The following PRSS1 variants were observed in gnomAD, a reference collection of about 807,000 sequenced individuals.
PRSS1 encodes TCR V beta 4.1.
A neutral mutation model predicts 24.2 loss-of-function variants in PRSS1; 22 were observed. The observed-to-expected ratio is 0.91, with a 90% CI of 0.65 to 1.30. The LOEUF is 1.30. PRSS1 is among the 50% of genes most tolerant of loss of function. PRSS1 has a pLI of 0.00. For synonymous variants in PRSS1, 126 were observed against 116.1 expected, an observed-to-expected ratio of 1.08 and a Z score of -0.55; for missense variants, 366 against 304.2, an observed-to-expected ratio of 1.20 and a Z score of -1.51.
At chr7:142,749,646 G>A (rs957857417) in intron 1 of PRSS1, 122 bp downstream of exon 1, 3 of 1,348,198 alleles carry the variant, frequency 2.2e-6, no homozygotes, top group African/African-American at 2.9e-5. Flanking sequence ...CCTCCATCTG[G>A]CATATCTCCT....
rs144403091 is a variant in PRSS1 at position 142,751,940 on chromosome 7, G to T, written c.367G>T (p.Val123Leu). 4.4e-5 allele frequency: 71 copies of T among 1,613,850 alleles called. No homozygotes were observed. The highest frequency in any genetic ancestry group is 5.8e-5 in the Non-Finnish European group (69 of 1,179,982). Residue 123 changes from valine to leucine, a missense_variant, in exon 3 of 5, where the codon GTG becomes TTG. Physicochemically the swap from Val to Leu is conservative, Grantham distance 32 (BLOSUM62 1). Coordinates refer to ENST00000311737, the MANE Select transcript of PRSS1 (RefSeq NM_002769.5). The part of the protein sequence containing the change: ...LSSRAVINAR[V>L]STISLPTAPP... ...CTCACGTGCAGTAATCAACGCCCGCGTGTCCACCATCTCTCTGCCCACCGC... is the reference window on the plus strand; with the variant it reads ...CTCACGTGCAGTAATCAACGCCCGCTTGTCCACCATCTCTCTGCCCACCGC...
chr7:142,752,308 C>A, intron 3 of PRSS1, 123 bp from the exon 4 acceptor site: 5 of 1,411,118 alleles, frequency 3.5e-6, no homozygotes. Context: ...CTTGCCAGGA[C>A]TTATGTTCTG....
intron 1 of PRSS1, among the ~76,000 whole-genome samples, chr7:142,749,748 T>C (rs927622912): frequency 2.3e-5 from 3 of 131,362 alleles, no homozygotes; most frequent in African/African-American, 1.0e-4. Context: ...ATCCGAGTTG[T>C]GGTTGGAGAA....
intron 4 of PRSS1, 99 bp from the exon 5 acceptor site, chr7:142,752,769 C>G: frequency 6.5e-7 from 1 of 1,527,374 alleles, no homozygotes; most frequent in Non-Finnish European, 9.1e-7. Flanking sequence ...GGACATGGAG[C>G]CACAGAGCTG....
intron 2 of PRSS1, chr7:142,751,219 G>A: frequency 1.6e-6 from 1 of 642,712 alleles, no homozygotes; most frequent in Non-Finnish European, 2.8e-6. Flanking sequence ...AGAACGCCCT[G>A]CAGGCTTGTT....
At chr7:142,749,698 C>T (rs181337746) in intron 1 of PRSS1, among the ~76,000 whole-genome samples, 174 bp downstream of exon 1, 1 of 151,630 alleles carries the variant, frequency 6.6e-6, no homozygotes, top group African/African-American at 2.4e-5. Context: ...ACCTGTTCAC[C>T]TTCTCCTTGA....
At chr7:142,752,227 G>A (rs1370300597) in intron 3 of PRSS1, among the ~76,000 whole-genome samples, 200 bp downstream of exon 3, 1 of 152,186 alleles carries the variant, frequency 6.6e-6, no homozygotes, top group African/African-American at 2.4e-5. Flanking sequence ...AGGACAAATG[G>A]AGAACTTGAT....
rs779329456 is a variant in PRSS1 at position 142,750,878 on chromosome 7, G to C, written c.200+164G>C. 4 of 1,043,716 alleles carry C rather than the reference G, an allele frequency of 3.8e-6. No homozygotes were observed. The East Asian group carries it at 1.0e-4, about 27-fold the overall frequency. 64.7% of individuals were successfully genotyped at this position (1,043,716 alleles called of 1,614,324 possible). ...TCTCCAGAGCAGAGAGTGAACACAA[G>C]ACAGGAACCTCTCACACCCAGGCAA... On this transcript the variant is annotated intron_variant, in intron 2 of 4. Coordinates refer to ENST00000311737, the MANE Select transcript of PRSS1 (RefSeq NM_002769.5).
At position 142,751,852 on chromosome 7, in the gene PRSS1, C is replaced by T. The variant is rs139664510; in HGVS notation, c.279C>T (p.Ile93=). Residue 93 remains isoleucine (I), a synonymous_variant, in exon 3 of 5, where the codon ATC becomes ATT. Transcript: ENST00000311737. The stretch of plus-strand genomic sequence containing the variant: ...AGCAGTTCATCAATGCAGCCAAGAT[C>T]ATCCGCCACCCCCAATACGACAGGA... ...GNEQFINAAK[I]IRHPQYDRKT... 8.2e-4 allele frequency: 1,324 copies of T among 1,614,074 alleles called. No individual in the cohort carries two copies. The African/African-American group carries it at 0.016, about 19-fold the overall frequency.
Position 142,750,897 on chromosome 7 carries a change from C to T in PRSS1, c.200+183C>T, listed in dbSNP as rs1388895804. 4.4e-6 allele frequency: 4 copies of T among 902,826 alleles called. No individual in the cohort carries two copies. In the African/African-American group the frequency reaches 6.6e-5, roughly 15 times the overall value. 55.9% of individuals were successfully genotyped at this position (902,826 alleles called of 1,614,324 possible). A position where few individuals can be genotyped will look rare whatever the true frequency, so the allele number is the denominator to read the frequency against. The stretch of plus-strand genomic sequence containing the variant: ...ACACAAGACAGGAACCTCTCACACC[C>T]AGGCAAATCCATGAAACAGCAAGGG... On this transcript the variant is annotated intron_variant, in intron 2 of 4. Coordinates refer to ENST00000311737, the MANE Select transcript of PRSS1 (RefSeq NM_002769.5).
At chr7:142,751,131 C>T (rs1338701039) in intron 2 of PRSS1, 42 of 702,044 alleles carry the variant, frequency 6.0e-5, no homozygotes, top group East Asian at 1.1e-4. Context: ...TACACTCTAC[C>T]TCTGCTAACT....
chr7:142,751,044 T>C (rs1798674527), intron 2 of PRSS1: 1 of 703,250 alleles, frequency 1.4e-6, no homozygotes. Context: ...TTTTTAAAAA[T>C]ACAGATGCCT....
Position 142,750,684 on chromosome 7 carries a change from G to T in PRSS1, c.170G>T (p.Trp57Leu). ...FCGGSLINEQ[W>L]VVSAGHCYKS... The stretch of plus-strand genomic sequence containing the variant: ...GGTGGCTCCCTCATCAACGAACAGT[G>T]GGTGGTATCAGCAGGCCACTGCTAC... The change falls in exon 2 of 5, where the codon TGG becomes TTG. Residue 57 changes from tryptophan (W) to leucine (L), a missense_variant. Trp to Leu is a moderately conservative substitution (Grantham distance 61). Coordinates refer to ENST00000311737, the MANE Select transcript of PRSS1 (RefSeq NM_002769.5). 1.2e-6 allele frequency: 2 copies of T among 1,613,960 alleles called. No individual in the cohort carries two copies. Among genetic ancestry groups the T allele is most frequent in the Non-Finnish European group, 1.7e-6 (2 of 1,179,858 alleles).
In PRSS1 at chr7:142,751,870, C is replaced by G. The variant is rs373659879; in HGVS notation, c.297C>G (p.Tyr99Ter). Residue 99 changes from tyrosine to a stop codon, truncating the protein, a stop_gained, in exon 3 of 5, where the codon TAC becomes TAG. Coordinates refer to ENST00000311737, the MANE Select transcript of PRSS1 (RefSeq NM_002769.5). LOFTEE classifies it high-confidence loss of function. Reference sequence around the variant, plus strand: ...CCAAGATCATCCGCCACCCCCAATACGACAGGAAGACTCTGAACAATGACA... The same window carrying G: ...CCAAGATCATCCGCCACCCCCAATAGGACAGGAAGACTCTGAACAATGACA... ...NAAKIIRHPQ[Y>*]DRKTLNNDIM... 3 of 1,614,040 alleles carry G rather than the reference C, an allele frequency of 1.9e-6. No homozygotes were observed. The highest frequency in any genetic ancestry group is 1.7e-6 in the Non-Finnish European group (2 of 1,180,010).
At chr7:142,751,440 G>T in intron 2 of PRSS1, 1 of 573,930 alleles carries the variant, frequency 1.7e-6, no homozygotes, top group Non-Finnish European at 3.1e-6. Flanking sequence ...GGTGAAGAAC[G>T]CTGGGAAAAC....
At position 142,749,472 on chromosome 7, in the gene PRSS1, A is replaced by C. The variant is rs748424130; in HGVS notation, c.-13A>C. ...ACGAGTCCTCCACCACCAGTCAGGC[A>C]CACTCTACCACCATGAATCCACTCC... On this transcript the variant is annotated 5_prime_UTR_variant, in exon 1 of 5. Transcript: ENST00000311737. 6.6e-7 allele frequency: 1 copy of C among 1,511,330 alleles called. No individual in the cohort carries two copies. Among genetic ancestry groups the C allele is most frequent in the Non-Finnish European group, 9.0e-7 (1 of 1,109,446 alleles). 93.6% of individuals were successfully genotyped at this position (1,511,330 alleles called of 1,614,324 possible).
chr7:142,751,711 G>A (rs752737467), intron 2 of PRSS1, 63 bp from the exon 3 acceptor site: 1 of 1,614,052 alleles, frequency 6.2e-7, no homozygotes, highest in Non-Finnish European at 8.5e-7. Context: ...GGAACCTGGG[G>A]AAGGTGGGAT....
Position 142,751,960 on chromosome 7 carries a change from C to T in PRSS1, c.387C>T (p.Pro129=). The T allele has an allele frequency of 1.2e-6, 2 of 1,614,108 alleles. No homozygotes were observed. The highest frequency in any genetic ancestry group is 2.2e-5 in the South Asian group (2 of 91,074). ...INARVSTISL[P]TAPPATGTKC... ...CCCGCGTGTCCACCATCTCTCTGCC[C>T]ACCGCCCCTCCAGCCACTGGCACGA... The change falls in exon 3 of 5, where the codon CCC becomes CCT. Residue 129 remains proline (P), a synonymous_variant. Transcript: ENST00000311737.
chr7:142,752,660 A>T, intron 4 of PRSS1, 93 bp downstream of exon 4: 1 of 1,594,764 alleles, frequency 6.3e-7, no homozygotes, highest in Non-Finnish European at 8.6e-7. Context: ...GGTGGGGCTG[A>T]GGAGGCTCCC....
Sources: gnomAD v4.1 joint callset for allele counts (sites outside exome capture counted in the v4.1 genomes callset) on GRCh38, gnomAD v4.1.1 for gene constraint, MANE v1.5 for transcripts, NCBI Gene and HGNC (gene_info 2026-07-23, HGNC 2026-07-21) for gene names.